Variants in FRMD6 observed in about 807,000 individuals in gnomAD.
FRMD6 encodes FERM domain-containing protein 6.
In FRMD6, 37 loss-of-function variants were observed where a neutral mutation model predicts 73.2. That is an observed-to-expected ratio of 0.51 (90% CI 0.39 to 0.66). FRMD6 has a LOEUF of 0.66. Among genes scored for constraint, FRMD6 ranks in the 30% least tolerant of loss-of-function variants. The pLI is 0.00. For synonymous variants in FRMD6, 273 were observed against 282.2 expected (o/e 0.97, Z 0.33); for missense variants, 714 against 780.5 (o/e 0.91, Z 1.02).
intron 1 of FRMD6, among the ~76,000 whole-genome samples, chr14:51,535,389 T>C (rs895350176): frequency 6.6e-6 from 1 of 152,174 alleles, no homozygotes; most frequent in African/African-American, 2.4e-5. Flanking sequence ...AAACAACCAA[T>C]AATCTATTTT....
chr14:51,512,229 G>C (rs1884352201), intron 1 of FRMD6, among the ~76,000 whole-genome samples: 1 of 152,152 alleles, frequency 6.6e-6, no homozygotes, highest in African/African-American at 2.4e-5. Flanking sequence ...TGAAGGTGTT[G>C]TGGTGGTTTA....
intron 2 of FRMD6, among the ~76,000 whole-genome samples, chr14:51,600,317 A>T (rs1260699035): frequency 1.3e-5 from 2 of 152,186 alleles, no homozygotes; most frequent in African/African-American, 4.8e-5. Context: ...AGCACCAGTA[A>T]TTGGAACATA....
At chr14:51,652,856 T>TC (rs1207337198) in intron 1 of FRMD6, among the ~76,000 whole-genome samples, 1 of 151,924 alleles carries the variant, frequency 6.6e-6, no homozygotes, top group Non-Finnish European at 1.5e-5. Flanking sequence ...ACACCTCGAG[T>TC]CCTGGGACAG....
the FRMD6 span, among the ~76,000 whole-genome samples, chr14:51,428,122 T>C: frequency 6.6e-6 from 1 of 152,196 alleles, no homozygotes; most frequent in Non-Finnish European, 1.5e-5. Context: ...GAACACACTT[T>C]AGGACATACT....
chr14:51,644,395 A>T (rs7141341), intron 2 of FRMD6, among the ~76,000 whole-genome samples: 19,662 of 146,182 alleles, frequency 0.13, 1,397 homozygotes, highest in Middle Eastern at 0.21. Context: ...ACACTCACTC[A>T]CTCTCTCTCT....
intron 1 of FRMD6, among the ~76,000 whole-genome samples, chr14:51,543,043 T>C (rs1886283332): frequency 6.6e-6 from 1 of 152,056 alleles, no homozygotes; most frequent in African/African-American, 2.4e-5. Context: ...GAATTGTCTT[T>C]TCACTCTGTT....
the FRMD6 span, among the ~76,000 whole-genome samples, chr14:51,420,272 T>C: frequency 6.6e-6 from 1 of 152,228 alleles, no homozygotes; most frequent in African/African-American, 2.4e-5. Context: ...GCAGCTAATA[T>C]GAACTAATGC....
chr14:51,459,884 C>CTCTTTTTTTTTTTTTTTT, the FRMD6 span, among the ~76,000 whole-genome samples: 4 of 74,652 alleles, frequency 5.4e-5, no homozygotes, highest in African/African-American at 5.8e-5. Context: ...TACTGACTCT[C>CTCTTTTTTTTTTTTTTTT]TTTTTTTTTT....
chr14:51,525,256 ATTTATTTATT>A lies in FRMD6; in HGVS notation c.-210+35848_-210+35857del, dbSNP rs1199767632. ...ACTTGTTTTTTAAAGGCCCTTCTTT[ATTTATTTATT>A]TTTATTTATTTATTTTTTTGAGTCG... On this transcript the variant is annotated intron_variant, in intron 1 of 14. Transcript: ENST00000356218. 2.8e-4 allele frequency among the ~76,000 whole-genome samples: 43 copies of A among 151,784 alleles called. 1 individual carries two copies. In the South Asian group the frequency reaches 8.8e-3, roughly 31 times the overall value.
the FRMD6 span, among the ~76,000 whole-genome samples, chr14:51,469,562 A>G: frequency 3.4e-4 from 50 of 149,232 alleles, no homozygotes; most frequent in Non-Finnish European, 5.6e-4. Context: ...GCAGTGAGCC[A>G]AGATAGCGCC....
At chr14:51,406,697 G>T in the FRMD6 span, among the ~76,000 whole-genome samples, 1 of 151,974 alleles carries the variant, frequency 6.6e-6, no homozygotes, top group Non-Finnish European at 1.5e-5. Flanking sequence ...CTCCACCCCA[G>T]CCTAATTATT....
chr14:51,486,742 G>C (rs1882768162), upstream of FRMD6, among the ~76,000 whole-genome samples: 1 of 152,132 alleles, frequency 6.6e-6, no homozygotes, highest in Admixed American at 6.5e-5. Context: ...GGGTATGCTT[G>C]TCCTTATGTG....
At chr14:51,422,360 T>G in the FRMD6 span, among the ~76,000 whole-genome samples, 1 of 152,214 alleles carries the variant, frequency 6.6e-6, no homozygotes, top group Non-Finnish European at 1.5e-5. Context: ...ATGATATTTA[T>G]GTATTTTAAG....
At chr14:51,438,000 T>C in the FRMD6 span, among the ~76,000 whole-genome samples, 1 of 152,220 alleles carries the variant, frequency 6.6e-6, no homozygotes, top group Non-Finnish European at 1.5e-5. Flanking sequence ...ACCATGTCTC[T>C]ATGTGAATAT....
intron 1 of FRMD6, among the ~76,000 whole-genome samples, chr14:51,526,474 G>A (rs1346854275): frequency 6.6e-6 from 1 of 152,126 alleles, no homozygotes; most frequent in Non-Finnish European, 1.5e-5. Context: ...CTTGCCCCTT[G>A]GGTGGGATGA....
intron 1 of FRMD6, among the ~76,000 whole-genome samples, chr14:51,512,963 A>T (rs1327714338): frequency 6.6e-6 from 1 of 152,194 alleles, no homozygotes; most frequent in Non-Finnish European, 1.5e-5. Flanking sequence ...CCTTCCCAGA[A>T]GTGGAAAGTG....
intron 1 of FRMD6, among the ~76,000 whole-genome samples, chr14:51,567,786 G>A (rs1393308779): frequency 6.6e-6 from 1 of 152,100 alleles, no homozygotes; most frequent in Non-Finnish European, 1.5e-5. Flanking sequence ...CTTTGTTTCT[G>A]ATTATTTCAT....
the FRMD6 span, among the ~76,000 whole-genome samples, chr14:51,412,676 C>A: frequency 6.6e-6 from 1 of 152,000 alleles, no homozygotes; most frequent in East Asian, 2.0e-4. Flanking sequence ...ATGGTGCAAC[C>A]CCATCTCTAA....
At chr14:51,518,947 G>A (rs1171164322) in intron 1 of FRMD6, among the ~76,000 whole-genome samples, 1 of 152,168 alleles carries the variant, frequency 6.6e-6, no homozygotes, top group Non-Finnish European at 1.5e-5. Flanking sequence ...CTTCATTCAT[G>A]CATGCATACA....
Sources: allele counts gnomAD v4.1 joint callset (sites outside exome capture counted in the v4.1 genomes callset), GRCh38; gene constraint gnomAD v4.1.1; transcripts MANE v1.5; gene names NCBI Gene and HGNC (gene_info 2026-07-23, HGNC 2026-07-21).